Variants in PPM1A observed in about 807,000 individuals in gnomAD.
PPM1A encodes the protein protein phosphatase 1A.
In PPM1A, 7 loss-of-function variants were observed where a neutral mutation model predicts 35.0. The observed-to-expected ratio is 0.20, with a 90% CI of 0.11 to 0.38. PPM1A has a LOEUF of 0.38. Among genes scored for constraint, PPM1A ranks in the 10% least tolerant of loss-of-function variants. The probability of loss-of-function intolerance (pLI) is 1.00; values close to 1 mark genes in which losing one functional copy is unlikely to be tolerated. For synonymous variants in PPM1A, 153 were observed against 167.3 expected, an observed-to-expected ratio of 0.91 and a Z score of 0.66; for missense variants, 239 against 467.8, an observed-to-expected ratio of 0.51 and a Z score of 4.51.
rs1433578116 is a variant in PPM1A, at chr14:60,282,372, A to G, written c.-20-312A>G. The stretch of plus-strand genomic sequence containing the variant: ...CTTAGTCCTGAGCTTACACATGTTC[A>G]TTGTATCATTAAACATTTAGCCTGG... On this transcript the variant is annotated intron_variant, in intron 1 of 5. Transcript: ENST00000395076. The surrounding 1 kb of genome is among the most constrained non-coding windows in gnomAD (Gnocchi z 5.1). Among the ~76,000 whole-genome samples the G allele has an allele frequency of 5.9e-5, 9 of 152,208 alleles. No individual in the cohort carries two copies. The South Asian group carries it at 1.0e-3, about 17-fold the overall frequency.
At chr14:60,278,349 T>G (rs1886003512) in intron 1 of PPM1A, among the ~76,000 whole-genome samples, 1 of 151,842 alleles carries the variant, frequency 6.6e-6, no homozygotes, top group African/African-American at 2.4e-5. Flanking sequence ...CTTTTTTTTT[T>G]TTTTTGACTT....
chr14:60,272,690 C>CA (rs34892158), intron 1 of PPM1A, among the ~76,000 whole-genome samples: 1,048 of 68,252 alleles, frequency 0.015, 15 homozygotes, highest in East Asian at 0.042. Flanking sequence ...GACTCTGTCT[C>CA]AAAAAAAAAA....
In PPM1A at chr14:60,295,827, G is replaced by A. The variant is rs1888019957; in HGVS notation, c.*3345G>A. ...ACTTAGCTGATCAAGGCAGGCCCCT[G>A]CCCTAAAGACCTTGTTTATACTTCC... On this transcript the variant is annotated 3_prime_UTR_variant, in exon 6 of 6. Transcript: ENST00000395076. 1 of 151,586 alleles carries A rather than the reference G, an allele frequency of 6.6e-6. No homozygotes were observed. The highest frequency in any genetic ancestry group is 1.5e-5 in the Non-Finnish European group (1 of 67,656). The allele number at this position is 151,586 out of a possible 1,614,324, so 9.4% of individuals were successfully genotyped here.
Position 60,282,762 on chromosome 14 carries a change from A to G in PPM1A, c.59A>G (p.Asn20Ser). ...AAGCATAATGCCCAGGGGCAGGGTA[A>G]TGGGTTGCGATATGGGCTAAGCAGC... is the stretch of plus-strand genomic sequence containing the variant. ...MEKHNAQGQG[N>S]GLRYGLSSMQ... is the part of the protein sequence containing the mutation. The change falls in exon 2 of 6, where the codon AAT becomes AGT. Residue 20 changes from asparagine (N) to serine (S), a missense_variant. Physicochemically the swap from Asn to Ser is conservative, Grantham distance 46. Around this residue, in one of 2 missense-constraint regions of PPM1A, gnomAD observed 175 missense variants for 389.2 expected, o/e 0.45. Coordinates refer to ENST00000395076, the MANE Select transcript of PPM1A (RefSeq NM_021003.5). The surrounding 1 kb of genome is among the most constrained non-coding windows in gnomAD (Gnocchi z 5.1). 1 of 1,614,224 alleles carries G rather than the reference A, an allele frequency of 6.2e-7. No individual in the cohort carries two copies. The highest frequency in any genetic ancestry group is 8.5e-7 in the Non-Finnish European group (1 of 1,180,044).
intron 1 of PPM1A, among the ~76,000 whole-genome samples, chr14:60,252,273 AT>A (rs1325672003): frequency 6.6e-6 from 1 of 152,206 alleles, no homozygotes; most frequent in Non-Finnish European, 1.5e-5. Flanking sequence ...AGCTGGATTA[AT>A]TTTTTAAGAT....
At chr14:60,255,688 T>C (rs1420071516) in intron 1 of PPM1A, among the ~76,000 whole-genome samples, 1 of 152,188 alleles carries the variant, frequency 6.6e-6, no homozygotes, top group Non-Finnish European at 1.5e-5. Flanking sequence ...TTACAAGCTT[T>C]ATCGTAGCAG....
At chr14:60,265,963 A>G (rs1884324004) in intron 1 of PPM1A, among the ~76,000 whole-genome samples, 2 of 152,352 alleles carry the variant, frequency 1.3e-5, no homozygotes, top group Non-Finnish European at 2.9e-5. Flanking sequence ...TCATAGCAGA[A>G]GTCAATGTTT....
upstream of PPM1A, among the ~76,000 whole-genome samples, chr14:60,246,403 A>T (rs771453261): frequency 1.3e-5 from 2 of 152,208 alleles, no homozygotes; most frequent in Non-Finnish European, 2.9e-5. Context: ...TAAATTCAGG[A>T]CTTTAAAGCC....
chr14:60,271,763 C>A (rs1484785866), intron 1 of PPM1A, among the ~76,000 whole-genome samples: 2 of 151,634 alleles, frequency 1.3e-5, no homozygotes, highest in African/African-American at 4.9e-5. Context: ...CTCTTATAAT[C>A]TTGATATTGA....
chr14:60,269,537 T>G (rs1003128859), intron 1 of PPM1A, among the ~76,000 whole-genome samples: 1 of 152,108 alleles, frequency 6.6e-6, no homozygotes, highest in Non-Finnish European at 1.5e-5. Context: ...TTCTTTTTCT[T>G]TTTTGGCATG....
chr14:60,278,501 C>T (rs923768154), intron 1 of PPM1A, among the ~76,000 whole-genome samples: 1 of 152,184 alleles, frequency 6.6e-6, no homozygotes, highest in Non-Finnish European at 1.5e-5. Context: ...CAGGAAACAC[C>T]ACCTGCAGAT....
intron 1 of PPM1A, among the ~76,000 whole-genome samples, chr14:60,280,000 T>C (rs1416826216): frequency 1.3e-5 from 2 of 152,132 alleles, no homozygotes; most frequent in Admixed American, 1.3e-4. Context: ...GTTAGTGCCT[T>C]CTTATATACT....
At chr14:60,266,416 G>A (rs1884388501) in intron 1 of PPM1A, among the ~76,000 whole-genome samples, 1 of 151,886 alleles carries the variant, frequency 6.6e-6, no homozygotes. Context: ...GTCTTTTCTT[G>A]TCATCCTTAG....
chr14:60,256,158 T>C (rs981564824), intron 1 of PPM1A, among the ~76,000 whole-genome samples: 3 of 152,160 alleles, frequency 2.0e-5, no homozygotes, highest in Non-Finnish European at 4.4e-5. Context: ...TGGTGGCTTA[T>C]GCCTGTAATC....
At chr14:60,245,997 A>G (rs1881761117), upstream of PPM1A, 2 of 1,581,198 alleles carry the variant, frequency 1.3e-6, no homozygotes, top group Non-Finnish European at 1.7e-6. This position sits in a 1 kb window ranked among gnomAD's most constrained non-coding sequence, Gnocchi z 4.2. Flanking sequence ...GAAATGAGAA[A>G]AGAGGAAACC....
At chr14:60,247,417 C>G (rs539817843), upstream of PPM1A, among the ~76,000 whole-genome samples, 1 of 151,890 alleles carries the variant, frequency 6.6e-6, no homozygotes, top group Non-Finnish European at 1.5e-5. Context: ...ATCACGAGGT[C>G]AGGAAACCGA....
chr14:60,291,127 A>G (rs1887586716), intron 4 of PPM1A, among the ~76,000 whole-genome samples: 1 of 152,084 alleles, frequency 6.6e-6, no homozygotes, highest in South Asian at 2.1e-4. Flanking sequence ...AGTAGACTAT[A>G]TAGACTTTTT....
chr14:60,284,899 A>G (rs1298144619), intron 2 of PPM1A, among the ~76,000 whole-genome samples: 1 of 151,860 alleles, frequency 6.6e-6, no homozygotes, highest in Non-Finnish European at 1.5e-5. Flanking sequence ...TGTTTTGTCA[A>G]TAATGCTTAT....
At chr14:60,255,470 C>T (rs955041930) in intron 1 of PPM1A, among the ~76,000 whole-genome samples, 1 of 152,178 alleles carries the variant, frequency 6.6e-6, no homozygotes. Context: ...CGCGCCCGGC[C>T]TATCATATGT....
Sources: gnomAD v4.1 joint callset for allele counts (sites outside exome capture counted in the v4.1 genomes callset) on GRCh38, gnomAD v4.1.1 for gene constraint, gnomAD v4.1.1 regional missense constraint, Gnocchi (gnomAD v3.1) non-coding constraint, MANE v1.5 for transcripts, NCBI Gene and HGNC (gene_info 2026-07-23, HGNC 2026-07-21) for gene names.